INAVA: variants seen among roughly 807,000 people sequenced by gnomAD.
INAVA encodes innate immunity activator protein.
In INAVA, 32 loss-of-function variants were observed where a neutral mutation model predicts 55.3. The ratio of observed to expected loss-of-function variants is 0.58; its 90% CI spans 0.44 to 0.78. The LOEUF (loss-of-function observed/expected upper bound fraction) is 0.78. Ranked by LOEUF, INAVA falls within the 30% of genes least tolerant of loss-of-function variation. The pLI, the probability that INAVA is intolerant of heterozygous loss-of-function variation, is 0.00. For synonymous variants in INAVA, 294 were observed against 329.4 expected (o/e 0.89, Z 1.16); for missense variants, 756 against 786.4 (o/e 0.96, Z 0.46).
chr1:200,898,165 G>C, intron 1 of INAVA, 142 bp from the exon 2 acceptor site: 1 of 850,178 alleles, frequency 1.2e-6, no homozygotes, highest in East Asian at 2.6e-5. Flanking sequence ...AGCACCCCCA[G>C]TGCCAGAATC....
At chr1:200,905,205 A>G (rs2102309921) in intron 5 of INAVA, among the ~76,000 whole-genome samples, 1 of 152,260 alleles carries the variant, frequency 6.6e-6, no homozygotes, top group Admixed American at 6.5e-5. Context: ...CTGGTACCGT[A>G]TGTCCTAGAA....
chr1:200,908,997 AT>A, intron 7 of INAVA, 57 bp downstream of exon 7: 2 of 1,535,396 alleles, frequency 1.3e-6, no homozygotes, highest in South Asian at 2.4e-5. Context: ...GGTGGGAGCT[AT>A]GCTGGGGATG....
In INAVA at chr1:200,911,472, G is replaced by T; in HGVS notation, c.979G>T (p.Gly327Cys). The T allele has an allele frequency of 6.2e-7, 1 of 1,612,840 alleles. No individual in the cohort carries two copies. Among genetic ancestry groups the T allele is most frequent in the Non-Finnish European group, 8.5e-7 (1 of 1,179,326 alleles). Residue 327 changes from glycine to cysteine, a missense_variant, in exon 9 of 10, where the codon GGT becomes TGT. By Grantham distance (159) the Gly-to-Cys change is radical. This residue lies in a region of INAVA where 639 missense variants were observed against 624.3 expected (regional missense o/e 1.02). Coordinates refer to ENST00000413687, the MANE Select transcript of INAVA (RefSeq NM_001142569.3). Reference protein sequence around the residue: ...QSLRVDSFRAGPEGRGRSAFP... With the variant: ...QSLRVDSFRACPEGRGRSAFP... ...CTTCAGGGTGGATTCCTTCCGGGCGGGTCCTGAGGGCCGAGGTCGCAGCGC... is the reference window on the plus strand; with the variant it reads ...CTTCAGGGTGGATTCCTTCCGGGCGTGTCCTGAGGGCCGAGGTCGCAGCGC...
intron 2 of INAVA, 88 bp downstream of exon 2, chr1:200,898,543 G>T: frequency 6.8e-7 from 1 of 1,465,642 alleles, no homozygotes. Context: ...GAGCCCTCAG[G>T]CACTAGGGCT....
rs1408409166 is a variant in INAVA, at chr1:200,901,112, G to A, written c.473G>A (p.Arg158Gln). 2.1e-5 allele frequency: 32 copies of A among 1,532,040 alleles called. 1 individual carries two copies. The Admixed American group carries it at 4.5e-4, about 22-fold the overall frequency. The allele number at this position is 1,532,040 out of a possible 1,614,324, so 94.9% of individuals were successfully genotyped here. The part of the protein sequence containing the change: ...QELQRCLVER[R>Q]RNSEPPPAAA... ...CTCCAGCGCTGCCTGGTCGAGCGGC[G>A]GCGCAATAGCGAGCCACCTCCGGCT... The change falls in exon 5 of 10, where the codon CGG (arginine) becomes CAG (glutamine). Residue 158 changes from arginine to glutamine, a missense_variant. By Grantham distance (43) the Arg-to-Gln change is conservative. This residue lies in a region of INAVA where 639 missense variants were observed against 624.3 expected (regional missense o/e 1.02). Transcript: ENST00000413687.
chr1:200,913,173 C>T (rs1371487755), intron 9 of INAVA, among the ~76,000 whole-genome samples: 1 of 152,194 alleles, frequency 6.6e-6, no homozygotes, highest in Non-Finnish European at 1.5e-5. Context: ...TCCGAGGCCG[C>T]GCCCTCCAGC....
chr1:200,899,486 G>A lies in INAVA; in HGVS notation c.69G>A (p.Pro23=), dbSNP rs146632523. Residue 23 remains proline, a synonymous_variant, in exon 3 of 10, where the codon CCG becomes CCA. Coordinates refer to ENST00000413687, the MANE Select transcript of INAVA (RefSeq NM_001142569.3). ...CAACCCTTGCAGGCCCCGACAGCCCGGTCTCCCCAATGAAGGAGCTGACCC... is the reference window on the plus strand; with the variant it reads ...CAACCCTTGCAGGCCCCGACAGCCCAGTCTCCCCAATGAAGGAGCTGACCC... ...GIILQSGPDS[P]VSPMKELTHA... 38 of 1,613,896 alleles carry A rather than the reference G, an allele frequency of 2.4e-5. No individual in the cohort carries two copies. Among genetic ancestry groups the A allele is most frequent in the Middle Eastern group, 1.7e-4 (1 of 6,058 alleles).
chr1:200,909,522 A>G (rs1653631237), intron 8 of INAVA, 125 bp downstream of exon 8: 2 of 864,822 alleles, frequency 2.3e-6, no homozygotes, highest in Non-Finnish European at 3.2e-6. Flanking sequence ...GACTTCTCTT[A>G]GGATCTCTTC....
chr1:200,895,066 C>G lies in INAVA; in HGVS notation c.-116C>G. The G allele has an allele frequency of 1.0e-6, 1 of 985,780 alleles. No homozygotes were observed. 61.1% of individuals were successfully genotyped at this position (985,780 alleles called of 1,614,324 possible). Reference sequence around the variant, plus strand: ...GGAAGCAGGGGCTGTTTTTCAACTCCTGGACTAAAGCCCAGAAGCAGGTGA... The same window carrying G: ...GGAAGCAGGGGCTGTTTTTCAACTCGTGGACTAAAGCCCAGAAGCAGGTGA... On this transcript the variant is annotated 5_prime_UTR_variant, in exon 1 of 10. Coordinates refer to ENST00000413687, the MANE Select transcript of INAVA (RefSeq NM_001142569.3).
chr1:200,904,227 T>C (rs1289861515), intron 5 of INAVA, among the ~76,000 whole-genome samples: 2 of 152,136 alleles, frequency 1.3e-5, no homozygotes, highest in Non-Finnish European at 2.9e-5. Context: ...TAGCTGGGAC[T>C]GCAGATGCGT....
At chr1:200,906,439 A>C (rs1666448808) in intron 5 of INAVA, 1 of 151,698 alleles carries the variant, frequency 6.6e-6, no homozygotes, top group Non-Finnish European at 1.5e-5. Context: ...GAATCGCTTG[A>C]ACCTGGGAGG....
intron 4 of INAVA, 38 bp from the exon 5 acceptor site, chr1:200,900,899 C>T (rs1653218376): frequency 1.0e-5 from 15 of 1,481,296 alleles, no homozygotes; most frequent in Non-Finnish European, 1.4e-5. Context: ...CCCAATCTCC[C>T]TGCCTCTCTC....
At chr1:200,905,506 G>A (rs138750340) in intron 5 of INAVA, among the ~76,000 whole-genome samples, 13 of 152,238 alleles carry the variant, frequency 8.5e-5, no homozygotes, top group Admixed American at 6.5e-4. Flanking sequence ...AGCTGTGATC[G>A]GGCCACTGCA....
rs1255035842 is a variant in INAVA at position 200,900,939 on chromosome 1, C to A, written c.300C>A (p.Asp100Glu). The change falls in exon 5 of 10, where the codon GAC becomes GAA. Residue 100 changes from aspartate (D) to glutamate (E), a missense_variant and splice_region_variant. Physicochemically the swap from Asp to Glu is conservative, Grantham distance 45. Transcript: ENST00000413687. The stretch of plus-strand genomic sequence containing the variant: ...CTCACTCCTGCCCCCTCTCTCAGGA[C>A]CCCCTAAGCAGCCTGGAGCGCCAGC... ...KLDDWALHRE[D>E]PLSSLERQLA... The A allele has an allele frequency of 6.5e-7, 1 of 1,544,786 alleles. No individual in the cohort carries two copies. The highest frequency in any genetic ancestry group is 1.2e-5 in the South Asian group (1 of 83,526).
At chr1:200,900,276 G>A (rs1479545778) in intron 4 of INAVA, 56 bp downstream of exon 4, 1 of 1,475,570 alleles carries the variant, frequency 6.8e-7, no homozygotes, top group African/African-American at 1.4e-5. Context: ...TGATCACTGA[G>A]ACGCCACACC....
intron 8 of INAVA, 73 bp downstream of exon 8, chr1:200,909,470 A>ACACAGGTGGGACAACCCTGGGTGAC: frequency 7.5e-7 from 1 of 1,335,798 alleles, no homozygotes; most frequent in Non-Finnish European, 9.8e-7. Context: ...AGCTCCCAGG[A>ACACAGGTGGGACAACCCTGGGTGAC]CACAGGTGGG....
Position 200,899,980 on chromosome 1 carries a change from T to A in INAVA, c.181-124T>A. On this transcript the variant is annotated intron_variant, in intron 3 of 9. Transcript: ENST00000413687. The stretch of plus-strand genomic sequence containing the variant: ...AGGAGAGACAGTGTGGAGGATGGGA[T>A]GAGGTGGGGTGGAGGGTGGTCCCAC... 5.4e-6 allele frequency: 4 copies of A among 735,502 alleles called. No individual in the cohort carries two copies. In the South Asian group the frequency reaches 6.9e-5, roughly 13 times the overall value. 45.6% of individuals were successfully genotyped at this position (735,502 alleles called of 1,614,324 possible).
At chr1:200,904,737 T>C (rs1274150912) in intron 5 of INAVA, among the ~76,000 whole-genome samples, 1 of 151,812 alleles carries the variant, frequency 6.6e-6, no homozygotes, top group Non-Finnish European at 1.5e-5. Context: ...TTTTTTTTTT[T>C]TCCAATCTTT....
At chr1:200,907,026 A>G (rs368812846) in intron 5 of INAVA, among the ~76,000 whole-genome samples, 7 of 152,044 alleles carry the variant, frequency 4.6e-5, no homozygotes, top group Admixed American at 1.3e-4. Context: ...AGATTTCACC[A>G]TCTTGCCCAG....
Sources: gnomAD v4.1 joint callset for allele counts (sites outside exome capture counted in the v4.1 genomes callset) on GRCh38, gnomAD v4.1.1 for gene constraint, gnomAD v4.1.1 regional missense constraint, MANE v1.5 for transcripts, NCBI Gene and HGNC (gene_info 2026-07-23, HGNC 2026-07-21) for gene names.